RUBCN: variants seen among roughly 807,000 people sequenced by gnomAD.
RUBCN encodes the protein rubicon autophagy regulator.
RUBCN carries 74 observed loss-of-function variants against 113.2 expected under a neutral mutation model. That is an observed-to-expected ratio of 0.65 (90% CI 0.54 to 0.79). The LOEUF (loss-of-function observed/expected upper bound fraction) is 0.79, where lower values mean the gene tolerates loss of function less well. Among genes scored for constraint, RUBCN ranks in the 30% least tolerant of loss-of-function variants. The pLI is 0.00. For missense variants in RUBCN, 1,109 were observed against 1,251.7 expected, an observed-to-expected ratio of 0.89 and a Z score of 1.72; for synonymous variants, 480 against 490.0, an observed-to-expected ratio of 0.98 and a Z score of 0.27.
chr3:197,744,036 C>G (rs1728637151), intron 1 of RUBCN, among the ~76,000 whole-genome samples: 1 of 151,130 alleles, frequency 6.6e-6, no homozygotes, highest in African/African-American at 2.4e-5. Flanking sequence ...AGTTATTATA[C>G]CTAATACATA....
chr3:197,694,447 T>C lies in RUBCN; in HGVS notation c.1612A>G (p.Lys538Glu), dbSNP rs947391088. Residue 538 changes from lysine (K) to glutamate (E), a missense_variant, in exon 10 of 20, where the codon AAG (lysine) becomes GAG (glutamate). Physicochemically the swap from Lys to Glu is moderately conservative, Grantham distance 56. This residue lies in a region of RUBCN where 736 missense variants were observed against 779.6 expected (regional missense o/e 0.94). Transcript: ENST00000296343. ...SDREIQELKQ[K>E]IRLRRQQIRT... ...ATTTGCTGGCGCCGAAGGCGGATCT[T>C]CTGCTTCAGCTCCTGGATCTCTCTA... The C allele has an allele frequency of 1.9e-6, 3 of 1,614,090 alleles. No individual in the cohort carries two copies. The highest frequency in any genetic ancestry group is 2.5e-6 in the Non-Finnish European group (3 of 1,180,052).
Position 197,704,587 on chromosome 3 carries a change from G to T in RUBCN, c.418C>A (p.Arg140=). Residue 140 remains arginine, a synonymous_variant, in exon 4 of 20, where the codon CGG becomes AGG. Transcript: ENST00000296343. ...TACTGTCTATCCCCGAGCAGGGGCC[G>T]GAGCTGGGCTGAGAGGCAGTGGTAC... ...LQYHCLSAQL[R]PLLGDRQYIR... 1 of 1,614,176 alleles carries T rather than the reference G, an allele frequency of 6.2e-7. No homozygotes were observed. Among genetic ancestry groups the T allele is most frequent in the Non-Finnish European group, 8.5e-7 (1 of 1,180,016 alleles).
At chr3:197,740,694 C>T (rs1052448630), upstream of RUBCN, among the ~76,000 whole-genome samples, 2 of 151,526 alleles carry the variant, frequency 1.3e-5, no homozygotes, top group Non-Finnish European at 2.9e-5. Context: ...AATCTCAGCT[C>T]ACTGCAACCT....
rs747066594 is a variant in RUBCN, at chr3:197,677,057, G to A, written c.2493-19C>T. 1 of 1,611,204 alleles carries A rather than the reference G, an allele frequency of 6.2e-7. No homozygotes were observed. Among genetic ancestry groups the A allele is most frequent in the Non-Finnish European group, 8.5e-7 (1 of 1,178,578 alleles). On this transcript the variant is annotated intron_variant, in intron 17 of 19. Coordinates refer to ENST00000296343, the MANE Select transcript of RUBCN (RefSeq NM_014687.4). ...CAGAAGCCTACAGGGAGTGACAGGAGGCAGGTGAGGGAATGAACAGTGCAT... is the reference window on the plus strand; with the variant it reads ...CAGAAGCCTACAGGGAGTGACAGGAAGCAGGTGAGGGAATGAACAGTGCAT...
chr3:197,712,195 A>G (rs978520394), intron 2 of RUBCN, among the ~76,000 whole-genome samples: 4 of 152,258 alleles, frequency 2.6e-5, no homozygotes, highest in Admixed American at 2.0e-4. Flanking sequence ...ATGTCTCCAC[A>G]TTTCTAAGCA....
At chr3:197,746,550 TTC>T (rs1247614450) in intron 1 of RUBCN, among the ~76,000 whole-genome samples, 2 of 152,214 alleles carry the variant, frequency 1.3e-5, no homozygotes, top group South Asian at 2.1e-4. Flanking sequence ...AATGAAATGA[TTC>T]TCTGTTGTAA....
chr3:197,688,183 C>T (rs1722051445), intron 11 of RUBCN, among the ~76,000 whole-genome samples: 1 of 152,186 alleles, frequency 6.6e-6, no homozygotes, highest in African/African-American at 2.4e-5. Flanking sequence ...CACACCACCA[C>T]ACCCGACTAA....
chr3:197,675,263 T>G lies in RUBCN; in HGVS notation c.2741-67A>C, dbSNP rs1720237336. The G allele has an allele frequency of 3.8e-6, 6 of 1,589,610 alleles. No homozygotes were observed. In the South Asian group the frequency reaches 6.6e-5, roughly 18 times the overall value. On this transcript the variant is annotated intron_variant, in intron 19 of 19. Transcript: ENST00000296343. The surrounding 1 kb of genome is among the most constrained non-coding windows in gnomAD (Gnocchi z 4.4). ...GTATTATCTCCAGCTAGAGGTCAGT[T>G]GCTGCCACAGCCCCTTCTCGCCACC...
Position 197,695,984 on chromosome 3 carries a change from G to A in RUBCN, c.1358-3C>T, listed in dbSNP as rs767758902. The A allele has an allele frequency of 9.9e-6, 16 of 1,613,798 alleles. No individual in the cohort carries two copies. The highest frequency in any genetic ancestry group is 1.2e-5 in the Non-Finnish European group (14 of 1,179,636). ...TGAGCACAGGTACCGACCACCTTCT[G>A]TGGGAAATGGAATGTGGATGAAACA... On this transcript the variant is annotated splice_polypyrimidine_tract_variant and splice_region_variant and intron_variant, in intron 8 of 19. Transcript: ENST00000296343.
At chr3:197,735,349 T>C (rs1727998480) in intron 1 of RUBCN, among the ~76,000 whole-genome samples, 1 of 152,216 alleles carries the variant, frequency 6.6e-6, no homozygotes, top group South Asian at 2.1e-4. Flanking sequence ...CAGTGAGCCG[T>C]GTTCACGGCA....
At position 197,705,357 on chromosome 3, in the gene RUBCN, C is replaced by A. The variant is rs1427495380; in HGVS notation, c.220-182G>T. Among the ~76,000 whole-genome samples, 4 of 152,020 alleles carry A rather than the reference C, an allele frequency of 2.6e-5. 1 individual carries two copies. The highest frequency in any genetic ancestry group is 5.9e-5 in the Non-Finnish European group (4 of 68,014). ...TGGTGGCTCACACCTGTAAACCCAG[C>A]ACTTCAGGAGGACTGCTTGAGTCCA... On this transcript the variant is annotated intron_variant, in intron 2 of 19. Transcript: ENST00000296343.
intron 1 of RUBCN, among the ~76,000 whole-genome samples, chr3:197,727,423 T>C (rs1726886745): frequency 2.0e-5 from 3 of 152,204 alleles, no homozygotes; most frequent in South Asian, 4.1e-4. Context: ...TTCCATTGCA[T>C]AAATCTAATA....
chr3:197,693,584 G>C, intron 11 of RUBCN, 131 bp downstream of exon 11: 1 of 713,810 alleles, frequency 1.4e-6, no homozygotes, highest in Non-Finnish European at 2.5e-6. Context: ...TTTAGCAGAA[G>C]GCTGTCCCTT....
chr3:197,743,657 GT>G (rs1252733004), intron 1 of RUBCN, among the ~76,000 whole-genome samples: 7 of 152,150 alleles, frequency 4.6e-5, no homozygotes, highest in Non-Finnish European at 1.0e-4. Context: ...TATATAAGTA[GT>G]TTAAGGGTGC....
intron 2 of RUBCN, 81 bp from the exon 3 acceptor site, chr3:197,705,256 G>T (rs1222375116): frequency 1.6e-6 from 2 of 1,254,500 alleles, no homozygotes; most frequent in Non-Finnish European, 2.3e-6. Context: ...TCAAAGATAG[G>T]AAAAGGACCA....
Position 197,695,886 on chromosome 3 carries a change from T to G in RUBCN, c.1453A>C (p.Ser485Arg). The change falls in exon 9 of 20, where the codon AGC becomes CGC. Residue 485 changes from serine (S) to arginine (R), a missense_variant. Ser to Arg is a moderately radical substitution (Grantham distance 110). This residue lies in a region of RUBCN where 736 missense variants were observed against 779.6 expected (regional missense o/e 0.94). Transcript: ENST00000296343. Reference protein sequence around the residue: ...ISYLSEQDFGSCADLEKENAH... With the variant: ...ISYLSEQDFGRCADLEKENAH... ...CCCACCTTTTCCAGGTCGGCACAGC[T>G]GCCGAAGTCTTGCTCAGAGAGGTAG... 1 of 1,614,208 alleles carries G rather than the reference T, an allele frequency of 6.2e-7. No homozygotes were observed. Among genetic ancestry groups the G allele is most frequent in the Non-Finnish European group, 8.5e-7 (1 of 1,180,030 alleles).
intron 1 of RUBCN, among the ~76,000 whole-genome samples, chr3:197,728,066 T>G (rs1243975016): frequency 6.6e-6 from 1 of 152,232 alleles, no homozygotes; most frequent in African/African-American, 2.4e-5. Flanking sequence ...CAGTGGCACA[T>G]GCCTGTAGTC....
At chr3:197,724,472 G>T (rs1726519188) in intron 1 of RUBCN, among the ~76,000 whole-genome samples, 1 of 152,144 alleles carries the variant, frequency 6.6e-6, no homozygotes, top group Admixed American at 6.6e-5. Flanking sequence ...GTAAGAAATA[G>T]ATACTGGTCT....
intron 2 of RUBCN, among the ~76,000 whole-genome samples, chr3:197,716,986 T>C (rs919356176): frequency 1.3e-5 from 2 of 151,998 alleles, no homozygotes; most frequent in Admixed American, 6.6e-5. Flanking sequence ...CCAGGTGTGG[T>C]TGCATGTGCC....
Sources: allele counts gnomAD v4.1 joint callset (sites outside exome capture counted in the v4.1 genomes callset), GRCh38; gene constraint gnomAD v4.1.1; regional missense constraint gnomAD v4.1.1; non-coding constraint Gnocchi (gnomAD v3.1); transcripts MANE v1.5; gene names NCBI Gene and HGNC (gene_info 2026-07-23, HGNC 2026-07-21).